ABCB5: variants seen among roughly 807,000 people sequenced by gnomAD.
ABCB5 encodes ATP binding cassette subfamily B member 5, also known as ATP-binding cassette sub-family B member 5.
ABCB5 carries 155 observed loss-of-function variants against 144.2 expected under a neutral mutation model. That is an observed-to-expected ratio of 1.08 (90% CI 0.94 to 1.23). The LOEUF is 1.23. ABCB5 is among the 50% of genes most tolerant of loss of function. The pLI is 0.00. For missense variants in ABCB5, 1,830 were observed against 1,520.8 expected, an observed-to-expected ratio of 1.20 and a Z score of -3.38; for synonymous variants, 610 against 528.6, an observed-to-expected ratio of 1.15 and a Z score of -2.11.
At chr7:20,684,334 C>A (rs145571773) in intron 15 of ABCB5, among the ~76,000 whole-genome samples, 1 of 152,146 alleles carries the variant, frequency 6.6e-6, no homozygotes, top group Non-Finnish European at 1.5e-5. Context: ...TGTCCAGCGA[C>A]CTTCTCAAGA....
At chr7:20,703,704 A>G (rs1011700664) in intron 19 of ABCB5, among the ~76,000 whole-genome samples, 1 of 152,222 alleles carries the variant, frequency 6.6e-6, no homozygotes, top group Admixed American at 6.5e-5. Context: ...AAGTGGTTCC[A>G]GTGAGTGTGA....
chr7:20,636,830 C>T (rs1784169348), intron 5 of ABCB5, among the ~76,000 whole-genome samples: 2 of 147,164 alleles, frequency 1.4e-5, no homozygotes, highest in South Asian at 2.2e-4. Flanking sequence ...CTATAATATT[C>T]AGTACATTAT....
intron 14 of ABCB5, among the ~76,000 whole-genome samples, chr7:20,667,858 A>G (rs1268173606): frequency 6.8e-6 from 1 of 147,448 alleles, no homozygotes; most frequent in African/African-American, 2.5e-5. Context: ...AGTGCCTGCG[A>G]TTGCAGGCGC....
chr7:20,745,401 C>A lies in ABCB5; in HGVS notation c.3392C>A (p.Ala1131Glu). 6.2e-7 allele frequency: 1 copy of A among 1,614,164 alleles called. No individual in the cohort carries two copies. Among genetic ancestry groups the A allele is most frequent in the Non-Finnish European group, 8.5e-7 (1 of 1,180,036 alleles). The change falls in exon 26 of 28, where the codon GCA (alanine) becomes GAA (glutamate). Residue 1131 changes from alanine to glutamate, a missense_variant. Coordinates refer to ENST00000404938, the MANE Select transcript of ABCB5 (RefSeq NM_001163941.2). ...GATGAGATCAAAGAAGCCGCAAATG[C>A]AGCAAATATCCATTCTTTTATTGAA... ...PLDEIKEAANAANIHSFIEGL... is the reference protein window; with the variant it reads ...PLDEIKEAANEANIHSFIEGL...
At chr7:20,647,069 CT>C (rs1784428397) in intron 9 of ABCB5, among the ~76,000 whole-genome samples, 1 of 152,112 alleles carries the variant, frequency 6.6e-6, no homozygotes. Context: ...CAGCTGTCCC[CT>C]AATACAAAAA....
chr7:20,702,121 G>A (rs1395833166), intron 19 of ABCB5, among the ~76,000 whole-genome samples: 4 of 152,132 alleles, frequency 2.6e-5, no homozygotes, highest in Non-Finnish European at 4.4e-5. Context: ...TATTTTATGT[G>A]ATTACTTTAG....
chr7:20,674,063 T>C (rs1168454529), intron 14 of ABCB5, among the ~76,000 whole-genome samples: 4 of 151,994 alleles, frequency 2.6e-5, no homozygotes, highest in African/African-American at 9.6e-5. Flanking sequence ...TCTCCCTTTT[T>C]GGCCTTTAAG....
In ABCB5 at chr7:20,664,042, AAGAG is replaced by A. The variant is rs1358559409; in HGVS notation, c.1707+5380_1707+5383del. ...GGCAATTTTTTTTTTTTTTACCAAA[AAGAG>A]AGAGAGAGAGAGATTAGTAATCTAA... On this transcript the variant is annotated intron_variant, in intron 14 of 27. Transcript: ENST00000404938. Among the ~76,000 whole-genome samples the A allele has an allele frequency of 9.5e-5, 14 of 147,560 alleles. No individual in the cohort carries two copies. In the East Asian group the frequency reaches 1.4e-3, roughly 14 times the overall value.
At position 20,698,485 on chromosome 7, in the gene ABCB5, T is replaced by C. The variant is rs772597406; in HGVS notation, c.2089T>C (p.Leu697=). 4 of 1,606,470 alleles carry C rather than the reference T, an allele frequency of 2.5e-6. No homozygotes were observed. Among genetic ancestry groups the C allele is most frequent in the Non-Finnish European group, 2.5e-6 (3 of 1,177,724 alleles). ...ATGGCCTTTTGTGGTTCTGGGGACATTGGCTTCTGTTCTAAATGGAACTGT... is the reference window on the plus strand; with the variant it reads ...ATGGCCTTTTGTGGTTCTGGGGACACTGGCTTCTGTTCTAAATGGAACTGT... ...PEWPFVVLGT[L]ASVLNGTVHP... is the part of the protein sequence containing the mutation. Residue 697 remains leucine (L), a synonymous_variant, in exon 17 of 28, where the codon TTG becomes CTG. Transcript: ENST00000404938.
chr7:20,720,655 G>A (rs1204864870), intron 20 of ABCB5, among the ~76,000 whole-genome samples: 1 of 152,120 alleles, frequency 6.6e-6, no homozygotes, highest in Admixed American at 6.6e-5. Context: ...ATCAAGTTAA[G>A]AATGAAGAGG....
chr7:20,739,244 C>T, intron 24 of ABCB5, 105 bp downstream of exon 24: 1 of 1,197,534 alleles, frequency 8.4e-7, no homozygotes, highest in Non-Finnish European at 1.1e-6. Context: ...GAAAAACTAA[C>T]CATTGGGTGC....
intron 21 of ABCB5, 102 bp downstream of exon 21, chr7:20,723,321 T>C: frequency 2.5e-6 from 3 of 1,179,530 alleles, no homozygotes; most frequent in Middle Eastern, 4.0e-4. Flanking sequence ...CTTTATGATA[T>C]ATTAACTTCA....
At chr7:20,713,488 A>C (rs967252865) in intron 20 of ABCB5, among the ~76,000 whole-genome samples, 1 of 149,516 alleles carries the variant, frequency 6.7e-6, no homozygotes, top group Non-Finnish European at 1.5e-5. Context: ...CTCCCACCTT[A>C]GCCTCCCAAA....
At chr7:20,728,202 C>A in intron 22 of ABCB5, 113 bp from the exon 23 acceptor site, 10 of 1,274,322 alleles carry the variant, frequency 7.8e-6, no homozygotes, top group East Asian at 2.5e-5. Flanking sequence ...CGAAAAATGC[C>A]TTTCCACCAA....
chr7:20,623,354 G>A lies in ABCB5; in HGVS notation c.53+16G>A. 1 of 1,536,898 alleles carries A rather than the reference G, an allele frequency of 6.5e-7. No individual in the cohort carries two copies. Among genetic ancestry groups the A allele is most frequent in the Non-Finnish European group, 8.8e-7 (1 of 1,133,312 alleles). ...AGAGAAATGGGTAAGCTCTCACTAA[G>A]TTCTGTAAGTATGCTTCCACAACTT... is the stretch of plus-strand genomic sequence containing the variant. On this transcript the variant is annotated intron_variant, in intron 2 of 27. Coordinates refer to ENST00000404938, the MANE Select transcript of ABCB5 (RefSeq NM_001163941.2).
At chr7:20,697,809 T>A (rs763253088) in intron 16 of ABCB5, among the ~76,000 whole-genome samples, 1 of 152,182 alleles carries the variant, frequency 6.6e-6, no homozygotes, top group African/African-American at 2.4e-5. Flanking sequence ...TCCTACAAGA[T>A]AGGAACTGAT....
At chr7:20,701,059 G>A (rs1216915759) in intron 19 of ABCB5, among the ~76,000 whole-genome samples, 1 of 152,126 alleles carries the variant, frequency 6.6e-6, no homozygotes, top group Non-Finnish European at 1.5e-5. Context: ...CGGCAACACC[G>A]TGGTCTAAAG....
rs1278929079 is a variant in ABCB5, at chr7:20,728,453, C to T, written c.2865C>T (p.Phe955=). The part of the protein sequence containing the change: ...QAGRMTPEGM[F]IVFTAIAYGA... ...GACGAATGACCCCAGAGGGCATGTT[C>T]ATGTAAGTCGTGGAAATAGTCCGGA... Residue 955 remains phenylalanine (F), a splice_region_variant and synonymous_variant, in exon 23 of 28, where the codon TTC becomes TTT. Transcript: ENST00000404938. 1 of 1,613,916 alleles carries T rather than the reference C, an allele frequency of 6.2e-7. No homozygotes were observed. Among genetic ancestry groups the T allele is most frequent in the East Asian group, 2.2e-5 (1 of 44,868 alleles).
In ABCB5 at chr7:20,723,017, C is replaced by T. The variant is rs759117837; in HGVS notation, c.2423C>T (p.Ala808Val). 1 of 1,613,914 alleles carries T rather than the reference C, an allele frequency of 6.2e-7. No homozygotes were observed. The highest frequency in any genetic ancestry group is 1.1e-5 in the South Asian group (1 of 91,064). Residue 808 changes from alanine to valine, a missense_variant and splice_region_variant, in exon 21 of 28, where the codon GCA (alanine) becomes GTA (valine). Transcript: ENST00000404938. ...CCCCCAAAATATGTCTGATTATAGG[C>T]AACAGGTTCCAGGATTGGCGTCTTA... ...LAIDIAQIQG[A>V]TGSRIGVLTQ... is the part of the protein sequence containing the mutation.
Sources: gnomAD v4.1 joint callset for allele counts (sites outside exome capture counted in the v4.1 genomes callset) on GRCh38, gnomAD v4.1.1 for gene constraint, MANE v1.5 for transcripts, NCBI Gene and HGNC (gene_info 2026-07-23, HGNC 2026-07-21) for gene names.